The following MIOS variants were observed in gnomAD, a reference collection of about 807,000 sequenced individuals.
MIOS encodes the protein meiosis regulator for oocyte development.
In MIOS, 52 loss-of-function variants were observed where a neutral mutation model predicts 96.9. That is an observed-to-expected ratio of 0.54 (90% CI 0.43 to 0.68). The LOEUF is 0.68. Ranked by LOEUF, MIOS falls within the 30% of genes least tolerant of loss-of-function variation. MIOS has a pLI of 0.00. For missense variants in MIOS, 1,005 were observed against 1,052.8 expected (o/e 0.95, Z 0.63); for synonymous variants, 397 against 359.5 (o/e 1.10, Z -1.18).
chr7:7,573,694 G>C lies in MIOS; in HGVS notation c.1219G>C (p.Glu407Gln). The C allele has an allele frequency of 6.2e-7, 1 of 1,613,780 alleles. No homozygotes were observed. The highest frequency in any genetic ancestry group is 1.1e-5 in the South Asian group (1 of 91,070). Residue 407 changes from glutamate to glutamine, a missense_variant, in exon 4 of 13, where the codon GAG (glutamate) becomes CAG (glutamine). Around this residue, in one of 3 missense-constraint regions of MIOS, gnomAD observed 865 missense variants for 887.9 expected, o/e 0.97. Coordinates refer to ENST00000340080, the MANE Select transcript of MIOS (RefSeq NM_019005.4). The surrounding 1 kb of genome is among the most constrained non-coding windows in gnomAD (Gnocchi z 5.0). ...TTTATCAAGGTATGGACTTGATACA[G>C]AGCAGGTGTGGAGGAACCACATTTT... ...RALSRYGLDTEQVWRNHILAG... is the reference protein window; with the variant it reads ...RALSRYGLDTQQVWRNHILAG...
rs956301947 is a variant in MIOS, at chr7:7,607,256, T to A, written c.*164T>A. 19 of 535,734 alleles carry A rather than the reference T, an allele frequency of 3.5e-5. No homozygotes were observed. Among genetic ancestry groups the A allele is most frequent in the Non-Finnish European group, 6.1e-5 (19 of 309,334 alleles). The allele number at this position is 535,734 out of a possible 1,614,324, so 33.2% of individuals were successfully genotyped here. A position where few individuals can be genotyped will look rare whatever the true frequency, so the allele number is the denominator to read the frequency against. On this transcript the variant is annotated 3_prime_UTR_variant, in exon 13 of 13. Transcript: ENST00000340080. ...TTTTGATGTTTGAGTGATTTTGATATGCTTCACAGAGACAAATGCTGCCAA... is the reference window on the plus strand; with the variant it reads ...TTTTGATGTTTGAGTGATTTTGATAAGCTTCACAGAGACAAATGCTGCCAA...
chr7:7,570,745 A>G (rs1181815690), intron 3 of MIOS, among the ~76,000 whole-genome samples: 1 of 152,102 alleles, frequency 6.6e-6, no homozygotes, highest in Non-Finnish European at 1.5e-5. Context: ...CTCCTGTGAG[A>G]AACTAATGCT....
rs144323971 is a variant in MIOS, at chr7:7,592,481, G to C, written c.2044-2499G>C. Among the ~76,000 whole-genome samples the C allele has an allele frequency of 8.8e-3, 1,347 of 152,252 alleles. 12 individuals carry two copies. Among genetic ancestry groups the C allele is most frequent in the South Asian group, 0.042 (202 of 4,820 alleles). On this transcript the variant is annotated intron_variant, in intron 9 of 12. Transcript: ENST00000340080. ...GGGGGTTGGTTTAGGGATGATTCCAGCACATTGTATTTATTGTGCACTTTA... is the reference window on the plus strand; with the variant it reads ...GGGGGTTGGTTTAGGGATGATTCCACCACATTGTATTTATTGTGCACTTTA...
At chr7:7,594,117 T>C (rs545271042) in intron 9 of MIOS, among the ~76,000 whole-genome samples, 3 of 152,226 alleles carry the variant, frequency 2.0e-5, no homozygotes, top group South Asian at 4.1e-4. Flanking sequence ...TTTTGCTTTT[T>C]CTTGTTCTGT....
At chr7:7,594,862 CA>C (rs58139181) in intron 9 of MIOS, 117 bp from the exon 10 acceptor site, 13,465 of 372,248 alleles carry the variant, frequency 0.036, no homozygotes, top group East Asian at 0.049. Context: ...CAGCTTTTGG[CA>C]AAAAAAAAAA....
At chr7:7,571,323 A>T (rs1274378278) in intron 3 of MIOS, among the ~76,000 whole-genome samples, 1 of 152,174 alleles carries the variant, frequency 6.6e-6, no homozygotes, top group Non-Finnish European at 1.5e-5. Flanking sequence ...TTTTTTCAAA[A>T]ATTCTACTTT....
chr7:7,583,291 A>G lies in MIOS; in HGVS notation c.1567A>G (p.Arg523Gly). ...CCTTGTACAAGAAGGGGAATGGGAA[A>G]GAGCTGCTGCTGTGGCATTGTTCAA... ...NSLVQEGEWE[R>G]AAAVALFNLD... Residue 523 changes from arginine to glycine, a missense_variant, in exon 6 of 13, where the codon AGA becomes GGA. Coordinates refer to ENST00000340080, the MANE Select transcript of MIOS (RefSeq NM_019005.4). 6.2e-7 allele frequency: 1 copy of G among 1,614,148 alleles called. No homozygotes were observed. Among genetic ancestry groups the G allele is most frequent in the African/African-American group, 1.3e-5 (1 of 75,060 alleles).
intron 3 of MIOS, among the ~76,000 whole-genome samples, chr7:7,571,394 C>T (rs1278213338): frequency 6.6e-6 from 1 of 152,110 alleles, no homozygotes; most frequent in African/African-American, 2.4e-5. Context: ...TCACTTAATC[C>T]ACTTTCTCAG....
At chr7:7,575,442 A>G (rs150169544) in intron 5 of MIOS, among the ~76,000 whole-genome samples, 215 of 152,186 alleles carry the variant, frequency 1.4e-3, no homozygotes, top group African/African-American at 4.9e-3. Flanking sequence ...CTTTATTATA[A>G]ATAGTAAAAT....
intron 5 of MIOS, among the ~76,000 whole-genome samples, chr7:7,579,139 A>G (rs1387862473): frequency 6.6e-6 from 1 of 152,256 alleles, no homozygotes; most frequent in East Asian, 1.9e-4. Context: ...AGTGGTACAT[A>G]ACATGCATAA....
At chr7:7,594,223 A>C (rs1278443850) in intron 9 of MIOS, among the ~76,000 whole-genome samples, 1 of 152,184 alleles carries the variant, frequency 6.6e-6, no homozygotes, top group Admixed American at 6.5e-5. Flanking sequence ...TAAAAGCAGC[A>C]TCTCAGTTCA....
intron 5 of MIOS, 103 bp downstream of exon 5, chr7:7,574,299 T>C (rs2115356455): frequency 2.5e-6 from 2 of 813,092 alleles, no homozygotes; most frequent in Non-Finnish European, 1.9e-6. Context: ...TTCAGGATCA[T>C]GTACATAATT....
chr7:7,598,380 GC>G (rs1476836689), intron 11 of MIOS, among the ~76,000 whole-genome samples: 7 of 152,044 alleles, frequency 4.6e-5, no homozygotes, highest in Non-Finnish European at 1.0e-4. Context: ...GGTATCATTG[GC>G]TTAGCGATTA....
rs763112216 is a variant in MIOS, at chr7:7,589,446, G to C, written c.1926G>C (p.Glu642Asp). ...YIEKLTNEMK[E>D]AGNLEGILLT... ...AAAAGTTGACCAATGAAATGAAAGA[G>C]GCTGGAAATTTGGAAGGAATTTTGC... is the stretch of plus-strand genomic sequence containing the variant. Residue 642 changes from glutamate (E) to aspartate (D), a missense_variant, in exon 9 of 13, where the codon GAG (glutamate) becomes GAC (aspartate). By Grantham distance (45) the Glu-to-Asp change is conservative. Around this residue, in one of 3 missense-constraint regions of MIOS, gnomAD observed 865 missense variants for 887.9 expected, o/e 0.97. Coordinates refer to ENST00000340080, the MANE Select transcript of MIOS (RefSeq NM_019005.4). The C allele has an allele frequency of 1.9e-6, 3 of 1,613,650 alleles. No homozygotes were observed. The highest frequency in any genetic ancestry group is 3.3e-5 in the Admixed American group (2 of 60,014).
intron 6 of MIOS, 48 bp from the exon 7 acceptor site, chr7:7,585,588 T>G (rs776507319): frequency 6.8e-7 from 1 of 1,479,834 alleles, no homozygotes; most frequent in African/African-American, 1.4e-5. Context: ...GTAGAAGAGA[T>G]ATTAAGCTTT....
At chr7:7,604,297 A>C (rs1370086904) in intron 11 of MIOS, among the ~76,000 whole-genome samples, 2 of 152,170 alleles carry the variant, frequency 1.3e-5, no homozygotes, top group African/African-American at 4.8e-5. Context: ...CAGAGATTGC[A>C]TCCATCCATC....
chr7:7,586,605 T>G (rs953917637), intron 7 of MIOS, among the ~76,000 whole-genome samples: 2 of 152,194 alleles, frequency 1.3e-5, no homozygotes, highest in African/African-American at 4.8e-5. Flanking sequence ...AATAAGTGAT[T>G]TAAGGATTAG....
At chr7:7,593,862 G>T in intron 9 of MIOS, among the ~76,000 whole-genome samples, 1 of 129,222 alleles carries the variant, frequency 7.7e-6, no homozygotes, top group Admixed American at 9.1e-5. Flanking sequence ...CTGGCCGACA[G>T]AGTGAGACTC....
At chr7:7,567,157 G>C (rs1054150310) in intron 1 of MIOS, 85 bp downstream of exon 1, 6 of 152,112 alleles carry the variant, frequency 3.9e-5, no homozygotes, top group Non-Finnish European at 8.8e-5. Flanking sequence ...TAGTTGAAAG[G>C]CCCGGGCGTC....
Sources: gnomAD v4.1 joint callset for allele counts (sites outside exome capture counted in the v4.1 genomes callset) on GRCh38, gnomAD v4.1.1 for gene constraint, gnomAD v4.1.1 regional missense constraint, Gnocchi (gnomAD v3.1) non-coding constraint, MANE v1.5 for transcripts, NCBI Gene and HGNC (gene_info 2026-07-23, HGNC 2026-07-21) for gene names.